SPOCK1: variants seen among roughly 807,000 people sequenced by gnomAD.
SPOCK1 encodes the protein SPARC (osteonectin), cwcv and kazal like domains proteoglycan 1.
Under a neutral mutation model 55.3 loss-of-function variants are expected in SPOCK1, and 23 were observed. The observed-to-expected ratio is 0.42, with a 90% CI of 0.30 to 0.59. The LOEUF (loss-of-function observed/expected upper bound fraction) is 0.59. Ranked by LOEUF, SPOCK1 falls within the 20% of genes least tolerant of loss-of-function variation. The pLI is 0.22. For missense variants in SPOCK1, 499 were observed against 552.5 expected (o/e 0.90, Z 0.97); for synonymous variants, 226 against 221.0 (o/e 1.02, Z -0.20).
chr5:137,311,578 C>T (rs948351713), intron 2 of SPOCK1, among the ~76,000 whole-genome samples: 3 of 152,244 alleles, frequency 2.0e-5, no homozygotes, highest in African/African-American at 7.2e-5. Context: ...TTCAAACTAT[C>T]TACTCCGCTC....
chr5:137,429,873 A>G (rs1298889791), intron 2 of SPOCK1, among the ~76,000 whole-genome samples: 2 of 152,216 alleles, frequency 1.3e-5, no homozygotes, highest in African/African-American at 2.4e-5. Flanking sequence ...TTACAACACT[A>G]TGGCAGAAAT....
chr5:137,071,105 C>G (rs1752605371), intron 5 of SPOCK1, among the ~76,000 whole-genome samples: 1 of 149,776 alleles, frequency 6.7e-6, no homozygotes, highest in Non-Finnish European at 1.5e-5. Context: ...TCACTGCAGT[C>G]TTGAACTCCT....
At chr5:137,327,492 A>G (rs1416362462) in intron 2 of SPOCK1, among the ~76,000 whole-genome samples, 2 of 152,182 alleles carry the variant, frequency 1.3e-5, no homozygotes, top group African/African-American at 2.4e-5. Flanking sequence ...AACTATATCT[A>G]TTTTGCCATC....
intron 2 of SPOCK1, among the ~76,000 whole-genome samples, chr5:137,370,721 TAG>T (rs1285470861): frequency 6.6e-6 from 1 of 152,262 alleles, no homozygotes; most frequent in Non-Finnish European, 1.5e-5. Context: ...ATGCAATCAT[TAG>T]AGTTTTAGCT....
intron 5 of SPOCK1, among the ~76,000 whole-genome samples, chr5:137,097,857 G>C (rs1054200697): frequency 1.3e-5 from 2 of 152,188 alleles, no homozygotes. Flanking sequence ...GCCTGCTAAA[G>C]AGTCTGCCCT....
intron 2 of SPOCK1, among the ~76,000 whole-genome samples, chr5:137,408,325 A>T (rs1020696547): frequency 1.3e-5 from 2 of 152,108 alleles, no homozygotes; most frequent in Non-Finnish European, 2.9e-5. Flanking sequence ...GATAGTCAGG[A>T]GTGGGGATGT....
chr5:136,986,001 T>G (rs1303195318), intron 8 of SPOCK1, among the ~76,000 whole-genome samples: 3 of 152,136 alleles, frequency 2.0e-5, no homozygotes, highest in African/African-American at 4.8e-5. Flanking sequence ...TACTGCCTCT[T>G]TCTGCAGGCC....
chr5:137,225,477 A>G (rs996783870), intron 3 of SPOCK1, among the ~76,000 whole-genome samples: 1 of 152,222 alleles, frequency 6.6e-6, no homozygotes, highest in South Asian at 2.1e-4. Context: ...AGTTTCACTC[A>G]GCCCCTACTC....
At chr5:137,171,082 G>A (rs900937592) in intron 3 of SPOCK1, among the ~76,000 whole-genome samples, 8 of 152,128 alleles carry the variant, frequency 5.3e-5, no homozygotes, top group Admixed American at 3.9e-4. Context: ...GAGTGAACGG[G>A]AAGAGCCTCC....
chr5:137,292,787 T>A (rs1257203547), intron 2 of SPOCK1, among the ~76,000 whole-genome samples: 2 of 152,106 alleles, frequency 1.3e-5, no homozygotes, highest in African/African-American at 4.8e-5. Flanking sequence ...GGAAGGGAGT[T>A]GGCAATAAGA....
rs572890944 is a variant in SPOCK1 at position 137,428,551 on chromosome 5, C to T, written c.186+69822G>A. On this transcript the variant is annotated intron_variant, in intron 2 of 10. Coordinates refer to ENST00000394945, the MANE Select transcript of SPOCK1 (RefSeq NM_004598.4). ...CAACCATTTTCATTCTGCATCTTTC[C>T]CTGGAAAATTTGTAGACTCTGTCTA... is the stretch of plus-strand genomic sequence containing the variant. Among the ~76,000 whole-genome samples, 19 of 152,274 alleles carry T rather than the reference C, an allele frequency of 1.2e-4. No homozygotes were observed. In the East Asian group the frequency reaches 3.5e-3, roughly 28 times the overall value.
At chr5:137,355,559 A>C (rs1198419670) in intron 2 of SPOCK1, among the ~76,000 whole-genome samples, 2 of 152,156 alleles carry the variant, frequency 1.3e-5, no homozygotes, top group Non-Finnish European at 2.9e-5. Flanking sequence ...GAGCAATCAC[A>C]AGGAGTTGAA....
At chr5:137,091,967 C>T (rs1188626271) in intron 5 of SPOCK1, among the ~76,000 whole-genome samples, 1 of 152,128 alleles carries the variant, frequency 6.6e-6, no homozygotes, top group Admixed American at 6.5e-5. Flanking sequence ...GATAAACTCA[C>T]ATTTCCATTA....
chr5:137,237,283 TG>T (rs1756199017), intron 3 of SPOCK1, among the ~76,000 whole-genome samples: 1 of 152,140 alleles, frequency 6.6e-6, no homozygotes, highest in African/African-American at 2.4e-5. Context: ...ATTCAGTGAA[TG>T]GAAGAGTGGC....
At chr5:137,132,871 C>G (rs1352239680) in intron 4 of SPOCK1, among the ~76,000 whole-genome samples, 2 of 152,162 alleles carry the variant, frequency 1.3e-5, no homozygotes, top group Non-Finnish European at 2.9e-5. Context: ...GGCAGAGGCT[C>G]TGGTTCTTGA....
intron 2 of SPOCK1, among the ~76,000 whole-genome samples, chr5:137,337,101 G>A (rs1750297351): frequency 6.6e-6 from 1 of 152,188 alleles, no homozygotes; most frequent in Non-Finnish European, 1.5e-5. Context: ...ATTAACTCAT[G>A]GGTGTATAAA....
chr5:137,409,304 C>T (rs979604090), intron 2 of SPOCK1, among the ~76,000 whole-genome samples: 1 of 152,200 alleles, frequency 6.6e-6, no homozygotes. Context: ...GCTTCATAAC[C>T]CTAGGCAGGC....
At chr5:137,044,107 G>T (rs1752056130) in intron 6 of SPOCK1, among the ~76,000 whole-genome samples, 1 of 152,056 alleles carries the variant, frequency 6.6e-6, no homozygotes, top group Non-Finnish European at 1.5e-5. Flanking sequence ...GAGCTTTATT[G>T]GACACCAGTT....
intron 6 of SPOCK1, among the ~76,000 whole-genome samples, chr5:137,056,551 G>C (rs1324810543): frequency 6.6e-6 from 1 of 152,076 alleles, no homozygotes; most frequent in Non-Finnish European, 1.5e-5. Context: ...ATACTTCTCA[G>C]GGGTAGTTCC....
Sources: allele counts gnomAD v4.1 joint callset (sites outside exome capture counted in the v4.1 genomes callset), GRCh38; gene constraint gnomAD v4.1.1; transcripts MANE v1.5; gene names NCBI Gene and HGNC (gene_info 2026-07-23, HGNC 2026-07-21).